MRPS5: variants seen among roughly 807,000 people sequenced by gnomAD.
MRPS5 encodes the protein mitochondrial ribosomal protein S5.
MRPS5 carries 27 observed loss-of-function variants against 51.9 expected under a neutral mutation model. That is an observed-to-expected ratio of 0.52 (90% CI 0.38 to 0.72). The LOEUF (loss-of-function observed/expected upper bound fraction) is 0.72, where lower values mean the gene tolerates loss of function less well. Ranked by LOEUF, MRPS5 falls within the 30% of genes least tolerant of loss-of-function variation. The probability of loss-of-function intolerance (pLI) is 0.00; values close to 1 mark genes in which losing one functional copy is unlikely to be tolerated. For synonymous variants in MRPS5, 196 were observed against 193.2 expected (o/e 1.01, Z -0.12); for missense variants, 570 against 545.7 (o/e 1.04, Z -0.44).
chr2:95,104,331 T>A (rs576166130), intron 7 of MRPS5: 4 of 379,604 alleles, frequency 1.1e-5, no homozygotes, highest in South Asian at 4.8e-5. Flanking sequence ...TTTATAACCA[T>A]GGCCCTATTG....
intron 10 of MRPS5, among the ~76,000 whole-genome samples, chr2:95,098,925 T>TA (rs1558679156): frequency 2.7e-5 from 4 of 148,764 alleles, no homozygotes; most frequent in African/African-American, 4.9e-5. Context: ...ATTATTATTT[T>TA]TTTTTTTTTT....
chr2:95,097,822 G>A (rs1675672593), intron 10 of MRPS5, among the ~76,000 whole-genome samples: 1 of 152,074 alleles, frequency 6.6e-6, no homozygotes, highest in Non-Finnish European at 1.5e-5. Flanking sequence ...CAAAAGCAAT[G>A]GCAACAAAAG....
In MRPS5 at chr2:95,087,433, A is replaced by G; in HGVS notation, c.1217T>C (p.Leu406Pro). 6.2e-7 allele frequency: 1 copy of G among 1,614,146 alleles called. No individual in the cohort carries two copies. ...TGCAGTCTTCACATCTTCCCAGTCCAGTTTGACGTCTGGAACCTCATCTTC... is the reference window on the plus strand; with the variant it reads ...TGCAGTCTTCACATCTTCCCAGTCCGGTTTGACGTCTGGAACCTCATCTTC... ...EPEDEVPDVK[L>P]DWEDVKTAQG... The change falls in exon 12 of 12, where the codon CTG (leucine) becomes CCG (proline). Residue 406 changes from leucine to proline, a missense_variant. By Grantham distance (98) the Leu-to-Pro change is moderately conservative (BLOSUM62 -3). Transcript: ENST00000272418.
intron 1 of MRPS5, among the ~76,000 whole-genome samples, chr2:95,121,011 A>G (rs1274349862): frequency 3.9e-5 from 6 of 152,074 alleles, no homozygotes; most frequent in African/African-American, 1.4e-4. Flanking sequence ...CCAGCTACTC[A>G]GGAGGCTGAG....
At position 95,086,958 on chromosome 2, in the gene MRPS5, C is replaced by G. The variant is rs1573319734; in HGVS notation, c.*399G>C. On this transcript the variant is annotated 3_prime_UTR_variant, in exon 12 of 12. Transcript: ENST00000272418. Reference sequence around the variant, plus strand: ...CGGTTTGGAAGTTCCTCACGGTAGTCAAGTTACTTAACTGCTCTGTAAAAT... The same window carrying G: ...CGGTTTGGAAGTTCCTCACGGTAGTGAAGTTACTTAACTGCTCTGTAAAAT... Among the ~76,000 whole-genome samples, 1 of 152,270 alleles carries G rather than the reference C, an allele frequency of 6.6e-6. No individual in the cohort carries two copies. Among genetic ancestry groups the G allele is most frequent in the Middle Eastern group, 3.4e-3 (1 of 294 alleles).
At chr2:95,115,862 C>G (rs777941704) in intron 2 of MRPS5, among the ~76,000 whole-genome samples, 4 of 151,618 alleles carry the variant, frequency 2.6e-5, no homozygotes, top group Non-Finnish European at 5.9e-5. Flanking sequence ...TTCCATCATG[C>G]AGCATACACT....
intron 7 of MRPS5, 66 bp downstream of exon 7, chr2:95,104,574 G>T: frequency 6.5e-7 from 1 of 1,534,988 alleles, no homozygotes; most frequent in African/African-American, 1.4e-5. Flanking sequence ...GGGCTCCACA[G>T]CATGGCCCGT....
chr2:95,099,043 C>T (rs1440120340), intron 10 of MRPS5, among the ~76,000 whole-genome samples: 8 of 150,860 alleles, frequency 5.3e-5, no homozygotes, highest in African/African-American at 7.3e-5. Context: ...CTCAGCCTCC[C>T]GAGTAGCTGG....
At chr2:95,089,238 AG>A (rs1469050660) in intron 11 of MRPS5, among the ~76,000 whole-genome samples, 1 of 152,204 alleles carries the variant, frequency 6.6e-6, no homozygotes. Flanking sequence ...AGAAAACAGA[AG>A]GCTTTTACCC....
At chr2:95,111,107 T>C (rs1001899615) in intron 3 of MRPS5, among the ~76,000 whole-genome samples, 3 of 152,170 alleles carry the variant, frequency 2.0e-5, no homozygotes, top group Admixed American at 1.3e-4. Flanking sequence ...CACACACATA[T>C]ACACAGCTGG....
At chr2:95,113,010 G>C (rs1425728934) in intron 3 of MRPS5, among the ~76,000 whole-genome samples, 1 of 127,868 alleles carries the variant, frequency 7.8e-6, no homozygotes, top group African/African-American at 2.9e-5. Context: ...GTCTCAAAAA[G>C]AAAAGAAAAA....
intron 11 of MRPS5, among the ~76,000 whole-genome samples, chr2:95,089,150 CTTAA>C (rs1338335226): frequency 6.6e-6 from 1 of 152,158 alleles, no homozygotes; most frequent in Non-Finnish European, 1.5e-5. Flanking sequence ...AAATCAACAT[CTTAA>C]TTAAACCTCT....
intron 10 of MRPS5, among the ~76,000 whole-genome samples, chr2:95,093,869 G>A (rs991482412): frequency 6.6e-6 from 1 of 152,208 alleles, no homozygotes; most frequent in African/African-American, 2.4e-5. Flanking sequence ...GAACAAAGCT[G>A]GATGGAGAAT....
At chr2:95,105,908 T>C (rs961073754) in intron 6 of MRPS5, among the ~76,000 whole-genome samples, 6 of 152,140 alleles carry the variant, frequency 3.9e-5, no homozygotes, top group South Asian at 2.1e-4. Flanking sequence ...CAAAGGGAAG[T>C]TGGCTATTTT....
intron 1 of MRPS5, 144 bp downstream of exon 1, chr2:95,121,590 G>T: frequency 1.1e-6 from 1 of 879,838 alleles, no homozygotes; most frequent in Non-Finnish European, 1.6e-6. Context: ...TCACACAGCG[G>T]CTCCGGCGGA....
At chr2:95,102,214 A>C (rs1053533789) in intron 7 of MRPS5, among the ~76,000 whole-genome samples, 2 of 152,060 alleles carry the variant, frequency 1.3e-5, no homozygotes, top group Non-Finnish European at 2.9e-5. Flanking sequence ...GTTTTGAAGC[A>C]TTCTGGAAAT....
At chr2:95,093,026 G>A (rs1001460111) in intron 10 of MRPS5, 1 of 152,378 alleles carries the variant, frequency 6.6e-6, no homozygotes, top group Admixed American at 6.5e-5. Context: ...TCCAATGGTG[G>A]TAGCAAACGG....
intron 7 of MRPS5, chr2:95,103,774 A>G (rs1183423316): frequency 6.6e-6 from 1 of 152,208 alleles, no homozygotes; most frequent in Non-Finnish European, 1.5e-5. Flanking sequence ...TGTTAATCTG[A>G]GTATTAATAT....
At position 95,090,454 on chromosome 2, in the gene MRPS5, C is replaced by T. The variant is rs948036727; in HGVS notation, c.1000G>A (p.Ala334Thr). The change falls in exon 11 of 12, where the codon GCC becomes ACC. Residue 334 changes from alanine (A) to threonine (T), a missense_variant. By Grantham distance (58) the Ala-to-Thr change is moderately conservative. Transcript: ENST00000272418. ...CRLIGIKDMY[A>T]KVSGSINMLS... ...ATATTAATGGACCCAGAGACCTTGGCATACATGTCTTTGATGCCAATGAGC... is the reference window on the plus strand; with the variant it reads ...ATATTAATGGACCCAGAGACCTTGGTATACATGTCTTTGATGCCAATGAGC... 1 of 1,614,170 alleles carries T rather than the reference C, an allele frequency of 6.2e-7. No homozygotes were observed.
Sources: allele counts gnomAD v4.1 joint callset (sites outside exome capture counted in the v4.1 genomes callset), GRCh38; gene constraint gnomAD v4.1.1; transcripts MANE v1.5; gene names NCBI Gene and HGNC (gene_info 2026-07-23, HGNC 2026-07-21).